ZNF208: variants seen among roughly 807,000 people sequenced by gnomAD.
The protein encoded by ZNF208 is zinc finger protein 95.
ZNF208 carries 10 observed loss-of-function variants against 12.1 expected under a neutral mutation model. That is an observed-to-expected ratio of 0.83 (90% confidence interval 0.51 to 1.40). The LOEUF is 1.40. ZNF208 is among the 40% of genes most tolerant of loss of function. ZNF208 has a pLI of 0.00. For synonymous variants in ZNF208, 497 were observed against 488.4 expected (o/e 1.02, Z -0.23); for missense variants, 1,652 against 1,485.0 (o/e 1.11, Z -1.85).
In ZNF208 at chr19:21,971,648, G is replaced by C. The variant is rs377465009; in HGVS notation, c.3386C>G (p.Thr1129Ser). 10 of 1,612,686 alleles carry C rather than the reference G, an allele frequency of 6.2e-6. No individual in the cohort carries two copies. The highest frequency in any genetic ancestry group is 2.2e-5 in the South Asian group (2 of 91,006). ...GKSFSTFSIL[T>S]KHKVIHTGEK... ...TCCAGTATGAATTACCTTATGTTTA[G>C]TAAGGATTGAGAACGTACTAAAGCT... The change falls in exon 4 of 4, where the codon ACT (threonine) becomes AGT (serine). Residue 1129 changes from threonine to serine, a missense_variant. Coordinates refer to ENST00000397126, the MANE Select transcript of ZNF208 (RefSeq NM_007153.3).
chr19:21,951,725 G>A (rs1474545546), intron 4 of ZNF208, among the ~76,000 whole-genome samples: 1 of 152,222 alleles, frequency 6.6e-6, no homozygotes, highest in East Asian at 1.9e-4. Context: ...AGCTCCAAAT[G>A]TGATTGAAGA....
intron 4 of ZNF208, among the ~76,000 whole-genome samples, chr19:21,944,235 G>T (rs1362834246): frequency 6.6e-6 from 1 of 152,126 alleles, no homozygotes; most frequent in African/African-American, 2.4e-5. Context: ...AAGCAGAAAT[G>T]AAGCCAAGTT....
chr19:21,977,129 C>T (rs550013529), intron 3 of ZNF208, among the ~76,000 whole-genome samples: 2 of 152,286 alleles, frequency 1.3e-5, no homozygotes, highest in South Asian at 2.1e-4. Flanking sequence ...CCTGTGAAAA[C>T]GTTGAATACG....
At chr19:21,964,899 CT>C (rs1970137986), downstream of ZNF208, among the ~76,000 whole-genome samples, 3 of 151,824 alleles carry the variant, frequency 2.0e-5, no homozygotes, top group Admixed American at 2.0e-4. Flanking sequence ...TATAAAGTTT[CT>C]TTTAAAAATC....
chr19:21,976,587 T>A (rs556758266), intron 3 of ZNF208, among the ~76,000 whole-genome samples: 1 of 152,250 alleles, frequency 6.6e-6, no homozygotes, highest in South Asian at 2.1e-4. Flanking sequence ...TGAGACAAAG[T>A]TTTACTTTTG....
In ZNF208 at chr19:21,987,010, T is replaced by G. The variant is rs532432996; in HGVS notation, c.226+206A>C. 5.7e-6 allele frequency: 3 copies of G among 525,108 alleles called. No homozygotes were observed. In the South Asian group the frequency reaches 1.0e-4, roughly 18 times the overall value. 32.5% of individuals were successfully genotyped at this position (525,108 alleles called of 1,614,324 possible). On this transcript the variant is annotated intron_variant, in intron 3 of 3. Transcript: ENST00000397126. ...CACTGTAAACTTGAAGGAAGATTAC[T>G]GAAGGGAAAGAAGAATTCTTAGAAA...
rs1470707486 is a variant in ZNF208 at position 21,971,526 on chromosome 19, T to C, written c.3508A>G (p.Lys1170Glu). The change falls in exon 4 of 4, where the codon AAA becomes GAA. Residue 1170 changes from lysine (K) to glutamate (E), a missense_variant. Lys to Glu is a moderately conservative substitution (Grantham distance 56). Transcript: ENST00000397126. ...AAGCCTTTGCCACATTCTTCACATT[T>C]GTAGGGTTTCTCTACAGTATGAATT... ...KKIHTVEKPY[K>E]CEECGKGFVM... 2 of 1,611,158 alleles carry C rather than the reference T, an allele frequency of 1.2e-6. No homozygotes were observed. Among genetic ancestry groups the C allele is most frequent in the African/African-American group, 1.3e-5 (1 of 74,838 alleles).
At chr19:21,943,961 G>T (rs1969781197) in intron 4 of ZNF208, among the ~76,000 whole-genome samples, 1 of 152,150 alleles carries the variant, frequency 6.6e-6, no homozygotes, top group Non-Finnish European at 1.5e-5. Flanking sequence ...TGTCTGTAAT[G>T]TCAGCTTCCC....
In ZNF208 at chr19:22,001,430, T is replaced by C. The variant is rs180878499; in HGVS notation, c.3+9362A>G. Reference sequence around the variant, plus strand: ...AGCTGAATTCTACCAGATGTACAAATAGAAGCTGATATTATTTTTACTAGA... The same window carrying C: ...AGCTGAATTCTACCAGATGTACAAACAGAAGCTGATATTATTTTTACTAGA... On this transcript the variant is annotated intron_variant, in intron 1 of 3. Coordinates refer to ENST00000397126, the MANE Select transcript of ZNF208 (RefSeq NM_007153.3). Among the ~76,000 whole-genome samples the C allele has an allele frequency of 4.4e-4, 67 of 152,228 alleles. 3 individuals are homozygous for C. The highest frequency in any genetic ancestry group is 3.4e-3 in the Middle Eastern group (1 of 292).
intron 3 of ZNF208, among the ~76,000 whole-genome samples, chr19:21,985,689 A>G (rs749752851): frequency 1.2e-4 from 19 of 152,182 alleles, no homozygotes; most frequent in Non-Finnish European, 2.5e-4. Flanking sequence ...ACCCATTTAG[A>G]GCCATGACGG....
chr19:21,984,045 G>A (rs1234322228), intron 3 of ZNF208, among the ~76,000 whole-genome samples: 1 of 151,754 alleles, frequency 6.6e-6, no homozygotes, highest in Non-Finnish European at 1.5e-5. Context: ...CATAAAGATG[G>A]TATAAAACAA....
chr19:21,946,143 T>C (rs1024526046), intron 4 of ZNF208, among the ~76,000 whole-genome samples: 16 of 152,318 alleles, frequency 1.1e-4, no homozygotes, highest in African/African-American at 3.8e-4. Flanking sequence ...ACAGTGGGCT[T>C]TGATGGGTTC....
downstream of ZNF208, among the ~76,000 whole-genome samples, chr19:21,962,175 T>C (rs988285070): frequency 2.6e-5 from 4 of 152,146 alleles, no homozygotes; most frequent in Non-Finnish European, 2.9e-5. Context: ...TATGTTCCTC[T>C]GCCACAGCTC....
chr19:21,989,574 T>A (rs1970692718), intron 1 of ZNF208, among the ~76,000 whole-genome samples: 2 of 152,124 alleles, frequency 1.3e-5, no homozygotes, highest in South Asian at 4.1e-4. Context: ...GCAGCATGAT[T>A]TATAGTCCTT....
chr19:21,977,318 A>G (rs1457624066), intron 3 of ZNF208, among the ~76,000 whole-genome samples: 2 of 151,622 alleles, frequency 1.3e-5, no homozygotes, highest in East Asian at 2.0e-4. Context: ...TCTGGTCTAC[A>G]GCTCCCAGCG....
At chr19:21,954,060 A>C (rs1969932267) in intron 4 of ZNF208, among the ~76,000 whole-genome samples, 1 of 152,236 alleles carries the variant, frequency 6.6e-6, no homozygotes, top group South Asian at 2.1e-4. Context: ...GTTTCAAAGA[A>C]CATCTTTATT....
intron 4 of ZNF208, among the ~76,000 whole-genome samples, chr19:21,958,929 C>G (rs1290115970): frequency 2.6e-5 from 4 of 151,946 alleles, no homozygotes; most frequent in African/African-American, 7.3e-5. Flanking sequence ...AACCACTTAC[C>G]TACCAAGCCA....
chr19:21,951,434 G>A (rs1164873486), intron 4 of ZNF208, among the ~76,000 whole-genome samples: 4 of 152,082 alleles, frequency 2.6e-5, no homozygotes, highest in African/African-American at 2.4e-5. Flanking sequence ...ATTTTTCCTA[G>A]GAGTAAAAGA....
intron 3 of ZNF208, among the ~76,000 whole-genome samples, chr19:21,982,627 C>T (rs1970563811): frequency 6.6e-6 from 1 of 152,086 alleles, no homozygotes; most frequent in African/African-American, 2.4e-5. Context: ...TATGAGGCTA[C>T]AGTAAACAAA....
Sources: allele counts gnomAD v4.1 joint callset (sites outside exome capture counted in the v4.1 genomes callset), GRCh38; gene constraint gnomAD v4.1.1; transcripts MANE v1.5; gene names NCBI Gene and HGNC (gene_info 2026-07-23, HGNC 2026-07-21).